CYYR1: variants seen among roughly 807,000 people sequenced by gnomAD.
The protein encoded by CYYR1 is cysteine and tyrosine rich 1.
Under a neutral mutation model 15.2 loss-of-function variants are expected in CYYR1, and 14 were observed. The observed-to-expected ratio is 0.92, with a 90% CI of 0.61 to 1.44. The LOEUF (loss-of-function observed/expected upper bound fraction) is 1.44. Ranked by LOEUF, CYYR1 falls within the 40% of genes most tolerant of loss-of-function variation. The pLI is 0.00. For missense variants in CYYR1, 228 were observed against 209.5 expected, an observed-to-expected ratio of 1.09 and a Z score of -0.54; for synonymous variants, 80 against 77.4, an observed-to-expected ratio of 1.03 and a Z score of -0.18.
intron 2 of CYYR1, chr21:26,551,143 G>A (rs222959): frequency 0.83 from 126,073 of 152,628 alleles, 52,186 homozygotes; most frequent in African/African-American, 0.89. Context: ...TCTGTTTACA[G>A]TATCATTTAC....
intron 2 of CYYR1, among the ~76,000 whole-genome samples, chr21:26,484,076 G>A (rs769520790): frequency 6.6e-6 from 1 of 152,052 alleles, no homozygotes; most frequent in Non-Finnish European, 1.5e-5. Flanking sequence ...TTCAGATTTT[G>A]TAAAGAAAAT....
chr21:26,530,247 AT>A (rs1041271300), intron 2 of CYYR1, among the ~76,000 whole-genome samples: 2 of 152,138 alleles, frequency 1.3e-5, no homozygotes, highest in East Asian at 1.9e-4. Context: ...TAATAAAATT[AT>A]TTTTTATTCA....
intron 2 of CYYR1, among the ~76,000 whole-genome samples, chr21:26,537,893 C>A (rs1403966790): frequency 6.6e-6 from 1 of 152,136 alleles, no homozygotes; most frequent in Non-Finnish European, 1.5e-5. Flanking sequence ...AAGACACCAT[C>A]TATAAGAAAA....
At position 26,519,998 on chromosome 21, in the gene CYYR1, G is replaced by A. The variant is rs552037211; in HGVS notation, c.177-39569C>T. On this transcript the variant is annotated intron_variant, in intron 2 of 3. Transcript: ENST00000652641. ...ATCAACCCAAATGTCCATCAATGACGGATTGGAAAAAGAAAATGTGGTATA... is the reference window on the plus strand; with the variant it reads ...ATCAACCCAAATGTCCATCAATGACAGATTGGAAAAAGAAAATGTGGTATA... Among the ~76,000 whole-genome samples the A allele has an allele frequency of 5.4e-3, 815 of 151,224 alleles. 12 individuals are homozygous for A. Among genetic ancestry groups the A allele is most frequent in the African/African-American group, 0.018 (733 of 41,148 alleles).
At chr21:26,483,433 G>A in intron 2 of CYYR1, 1 of 947,836 alleles carries the variant, frequency 1.1e-6, no homozygotes, top group Middle Eastern at 5.4e-4. Context: ...AAAAAAGCTT[G>A]AAGTAGCTAC....
In CYYR1 at chr21:26,487,682, A is replaced by G. The variant is rs566814522; in HGVS notation, c.177-7253T>C. On this transcript the variant is annotated intron_variant, in intron 2 of 3. Coordinates refer to ENST00000652641, the MANE Select transcript of CYYR1 (RefSeq NM_001320768.2). ...CAAACTCAATGGAGTATCATTTTCA[A>G]TATTAACAGTATTTACTTATATTAA... Among the ~76,000 whole-genome samples the G allele has an allele frequency of 5.9e-5, 9 of 152,238 alleles. No homozygotes were observed. The East Asian group carries it at 1.7e-3, about 29-fold the overall frequency.
At chr21:26,524,406 C>A (rs544622623) in intron 2 of CYYR1, among the ~76,000 whole-genome samples, 1 of 152,222 alleles carries the variant, frequency 6.6e-6, no homozygotes, top group African/African-American at 2.4e-5. Context: ...ATGTTTTGGC[C>A]GCTCCAATCA....
At chr21:26,510,811 T>C (rs2065636889) in intron 2 of CYYR1, among the ~76,000 whole-genome samples, 1 of 152,218 alleles carries the variant, frequency 6.6e-6, no homozygotes, top group South Asian at 2.1e-4. Flanking sequence ...GATGGTAAAA[T>C]ATTAGCATTA....
rs2064969110 is a variant in CYYR1 at position 26,466,463 on chromosome 21, A to G, written c.*2038T>C. ...CTATTGTAGGCTTATGGGTTTGTAAAATGCCTTAAGGGAGGCCATAAACAA... is the reference window on the plus strand; with the variant it reads ...CTATTGTAGGCTTATGGGTTTGTAAGATGCCTTAAGGGAGGCCATAAACAA... On this transcript the variant is annotated 3_prime_UTR_variant, in exon 4 of 4. Coordinates refer to ENST00000652641, the MANE Select transcript of CYYR1 (RefSeq NM_001320768.2). 6.6e-6 allele frequency: 1 copy of G among 152,314 alleles called. No homozygotes were observed. The allele number at this position is 152,314 out of a possible 1,614,324, so 9.4% of individuals were successfully genotyped here. A position where few individuals can be genotyped will look rare whatever the true frequency, so the allele number is the denominator to read the frequency against.
intron 2 of CYYR1, among the ~76,000 whole-genome samples, chr21:26,536,894 A>G (rs1264463842): frequency 6.6e-6 from 1 of 152,154 alleles, no homozygotes; most frequent in African/African-American, 2.4e-5. Context: ...TTCAATAAAC[A>G]TTTACTGAGC....
chr21:26,515,030 C>A (rs1430212693), intron 2 of CYYR1, among the ~76,000 whole-genome samples: 8 of 152,066 alleles, frequency 5.3e-5, no homozygotes, highest in Non-Finnish European at 1.2e-4. Context: ...ATCTTTTCTC[C>A]CCATGTTTTC....
At chr21:26,495,787 T>A (rs1448904305) in intron 2 of CYYR1, among the ~76,000 whole-genome samples, 2 of 152,182 alleles carry the variant, frequency 1.3e-5, no homozygotes, top group African/African-American at 4.8e-5. Flanking sequence ...AACTTCACGA[T>A]TAAAAGAAGA....
At chr21:26,517,144 A>AAAAAAAAAAG (rs1491223332) in intron 2 of CYYR1, among the ~76,000 whole-genome samples, 6 of 111,442 alleles carry the variant, frequency 5.4e-5, no homozygotes, top group African/African-American at 1.8e-4. Flanking sequence ...AAAAAAAAAA[A>AAAAAAAAAAG]GAATTCACTG....
At chr21:26,527,166 A>G (rs2065877294) in intron 2 of CYYR1, among the ~76,000 whole-genome samples, 2 of 152,202 alleles carry the variant, frequency 1.3e-5, no homozygotes, top group African/African-American at 4.8e-5. Flanking sequence ...GCATTTGGAC[A>G]TTTGGAACAA....
In CYYR1 at chr21:26,491,807, G is replaced by T. The variant is rs2065332814; in HGVS notation, c.177-11378C>A. Among the ~76,000 whole-genome samples, 3 of 152,112 alleles carry T rather than the reference G, an allele frequency of 2.0e-5. No homozygotes were observed. In the South Asian group the frequency reaches 6.2e-4, roughly 32 times the overall value. ...TTGTCTACACATTACAAGCTGGCCTGCCCACCCAGGCCACTGTGATCCTTT... is the reference window on the plus strand; with the variant it reads ...TTGTCTACACATTACAAGCTGGCCTTCCCACCCAGGCCACTGTGATCCTTT... On this transcript the variant is annotated intron_variant, in intron 2 of 3. Transcript: ENST00000652641.
rs1162872825 is a variant in CYYR1 at position 26,573,104 on chromosome 21, G to A, written c.-164C>T. On this transcript the variant is annotated 5_prime_UTR_variant, in exon 1 of 4. Transcript: ENST00000652641. ...CCTTCCAAGGGAGCCCGGGCCGGGC[G>A]CGTCCCGGGCCAGCGACTGCGGGAC... is the stretch of plus-strand genomic sequence containing the variant. The A allele has an allele frequency of 4.0e-6, 6 of 1,518,264 alleles. No individual in the cohort carries two copies. The South Asian group carries it at 6.1e-5, about 15-fold the overall frequency. 94.0% of individuals were successfully genotyped at this position (1,518,264 alleles called of 1,614,324 possible).
intron 2 of CYYR1, among the ~76,000 whole-genome samples, chr21:26,500,838 A>G (rs925324313): frequency 1.3e-5 from 2 of 152,164 alleles, no homozygotes; most frequent in African/African-American, 4.8e-5. Context: ...AGACATTTAA[A>G]ATTTCTGAAT....
At chr21:26,544,876 C>T (rs1978843718) in intron 2 of CYYR1, among the ~76,000 whole-genome samples, 1 of 151,878 alleles carries the variant, frequency 6.6e-6, no homozygotes, top group African/African-American at 2.4e-5. Flanking sequence ...GAGTTCCAGA[C>T]CAGCCTGGGC....
intron 3 of CYYR1, among the ~76,000 whole-genome samples, chr21:26,476,092 T>A (rs1411656543): frequency 6.6e-6 from 1 of 152,166 alleles, no homozygotes; most frequent in Admixed American, 6.6e-5. Flanking sequence ...AAGGTTTCTG[T>A]CATGTGTGAA....
Sources: allele counts gnomAD v4.1 joint callset (sites outside exome capture counted in the v4.1 genomes callset), GRCh38; gene constraint gnomAD v4.1.1; transcripts MANE v1.5; gene names NCBI Gene and HGNC (gene_info 2026-07-23, HGNC 2026-07-21).